The following PPP2R5E variants were observed in gnomAD, a reference collection of about 807,000 sequenced individuals.
The protein encoded by PPP2R5E is serine/threonine-protein phosphatase 2A 56 kDa regulatory subunit epsilon isoform.
PPP2R5E carries 4 observed loss-of-function variants against 65.3 expected under a neutral mutation model. The observed-to-expected ratio is 0.06, with a 90% CI of 0.03 to 0.14. PPP2R5E has a LOEUF of 0.14. Among genes scored for constraint, PPP2R5E ranks in the 10% least tolerant of loss-of-function variants. The pLI, the probability that PPP2R5E is intolerant of heterozygous loss-of-function variation, is 1.00. For synonymous variants in PPP2R5E, 183 were observed against 187.4 expected (o/e 0.98, Z 0.19); for missense variants, 274 against 556.1 (o/e 0.49, Z 5.10).
At chr14:63,376,275 T>C (rs1883979079) in intron 13 of PPP2R5E, among the ~76,000 whole-genome samples, 167 bp from the exon 14 acceptor site, 1 of 152,200 alleles carries the variant, frequency 6.6e-6, no homozygotes, top group South Asian at 2.1e-4. Flanking sequence ...TATGCATCAG[T>C]TATTGTAAAA....
At chr14:63,441,634 G>A (rs1002130332) in intron 3 of PPP2R5E, among the ~76,000 whole-genome samples, 1 of 152,200 alleles carries the variant, frequency 6.6e-6, no homozygotes, top group Admixed American at 6.5e-5. Context: ...GAACACAGCA[G>A]GGCGCGGTGG....
chr14:63,452,566 G>A (rs1291583534), intron 3 of PPP2R5E: 4 of 152,136 alleles, frequency 2.6e-5, no homozygotes, highest in Non-Finnish European at 5.9e-5. Context: ...GAGCCACACG[G>A]TCATCTTTAA....
chr14:63,381,858 G>A (rs1171890166), intron 13 of PPP2R5E, among the ~76,000 whole-genome samples, 198 bp downstream of exon 13: 2 of 152,206 alleles, frequency 1.3e-5, no homozygotes, highest in Non-Finnish European at 2.9e-5. Context: ...TGTAATTACT[G>A]TATACTTATG....
At chr14:63,519,507 A>AT (rs557285871) in intron 2 of PPP2R5E, among the ~76,000 whole-genome samples, 20,039 of 124,212 alleles carry the variant, frequency 0.16, 1,884 homozygotes, top group East Asian at 0.32. Context: ...TGCCCAGCTA[A>AT]TTTTTTTTTT....
chr14:63,456,208 T>C (rs1458296372), intron 2 of PPP2R5E, among the ~76,000 whole-genome samples: 1 of 152,238 alleles, frequency 6.6e-6, no homozygotes, highest in Non-Finnish European at 1.5e-5. Context: ...ATAGCATATA[T>C]AACTTATAAA....
intron 2 of PPP2R5E, 127 bp from the exon 3 acceptor site, chr14:63,454,012 T>C (rs1286395440): frequency 1.4e-6 from 1 of 711,248 alleles, no homozygotes. Context: ...GTGTTCTTTT[T>C]CACAGTTACA....
At chr14:63,502,885 T>C (rs1023135621) in intron 2 of PPP2R5E, among the ~76,000 whole-genome samples, 2 of 152,204 alleles carry the variant, frequency 1.3e-5, no homozygotes, top group African/African-American at 4.8e-5. Flanking sequence ...CCCAGCACTT[T>C]GCGAGGCCAA....
intron 2 of PPP2R5E, among the ~76,000 whole-genome samples, chr14:63,498,694 G>T (rs1487204917): frequency 6.6e-6 from 1 of 151,978 alleles, no homozygotes; most frequent in Admixed American, 6.6e-5. Context: ...AAAGTGCTAG[G>T]ATCACAGGCA....
rs981074735 is a variant in PPP2R5E at position 63,371,439 on chromosome 14, C to T, written c.*4570G>A. ...ACACATCTGTGAAAGGGGAAGGTTACATTTCTTTTTGGGGAGCACCTTCAT... is the reference window on the plus strand; with the variant it reads ...ACACATCTGTGAAAGGGGAAGGTTATATTTCTTTTTGGGGAGCACCTTCAT... On this transcript the variant is annotated 3_prime_UTR_variant, in exon 14 of 14. Coordinates refer to ENST00000337537, the MANE Select transcript of PPP2R5E (RefSeq NM_006246.5). The T allele has an allele frequency of 1.3e-5, 2 of 152,194 alleles. No homozygotes were observed. Among genetic ancestry groups the T allele is most frequent in the African/African-American group, 4.8e-5 (2 of 41,450 alleles). 9.4% of individuals were successfully genotyped at this position (152,194 alleles called of 1,614,324 possible).
chr14:63,474,197 T>C (rs1414114273), intron 2 of PPP2R5E, among the ~76,000 whole-genome samples: 2 of 152,102 alleles, frequency 1.3e-5, no homozygotes, highest in Non-Finnish European at 2.9e-5. Context: ...GTAGAATCAA[T>C]TGTGCTTGCT....
intron 6 of PPP2R5E, among the ~76,000 whole-genome samples, 178 bp downstream of exon 6, chr14:63,396,408 G>A (rs1885398483): frequency 1.8e-5 from 2 of 110,576 alleles, no homozygotes; most frequent in Admixed American, 1.8e-4. Flanking sequence ...AGAAGATGGG[G>A]GAGGAGAGGA....
At chr14:63,450,665 C>T (rs750200230) in intron 3 of PPP2R5E, among the ~76,000 whole-genome samples, 3 of 151,976 alleles carry the variant, frequency 2.0e-5, no homozygotes, top group Non-Finnish European at 4.4e-5. Flanking sequence ...TTCAAGAAGA[C>T]CTGGACTAGG....
At position 63,372,844 on chromosome 14, in the gene PPP2R5E, T is replaced by C. The variant is rs1479594172; in HGVS notation, c.*3165A>G. 5.3e-5 allele frequency: 8 copies of C among 152,170 alleles called. No individual in the cohort carries two copies. Among genetic ancestry groups the C allele is most frequent in the Non-Finnish European group, 1.0e-4 (7 of 68,028 alleles). The allele number at this position is 152,170 out of a possible 1,614,324, so 9.4% of individuals were successfully genotyped here. ...TACAAAATAAATTAAACCCTTTCAT[T>C]TAGGCAAACAAGCCCAAGATGAAGG... On this transcript the variant is annotated 3_prime_UTR_variant, in exon 14 of 14. Coordinates refer to ENST00000337537, the MANE Select transcript of PPP2R5E (RefSeq NM_006246.5).
chr14:63,520,446 G>T (rs562431351), intron 2 of PPP2R5E, among the ~76,000 whole-genome samples: 1 of 152,294 alleles, frequency 6.6e-6, no homozygotes, highest in African/African-American at 2.4e-5. Flanking sequence ...ACTTGCCATT[G>T]TTGGAATTCT....
At chr14:63,396,836 G>A in intron 5 of PPP2R5E, 120 bp from the exon 6 acceptor site, 22 of 1,220,090 alleles carry the variant, frequency 1.8e-5, no homozygotes, top group Non-Finnish European at 2.5e-5. Flanking sequence ...TCTATTATGT[G>A]CCAAGCACAG....
At chr14:63,399,366 C>CTTTGTTTTTTTTTTTTTTTT (rs1885604828) in intron 5 of PPP2R5E, among the ~76,000 whole-genome samples, 3 of 48,504 alleles carry the variant, frequency 6.2e-5, no homozygotes, top group African/African-American at 8.3e-5. Context: ...GGATTTCTTT[C>CTTTGTTTTTTTTTTTTTTTT]TTTTTTTTTT....
At position 63,533,040 on chromosome 14, in the gene PPP2R5E, G is replaced by T. The variant is rs557549068; in HGVS notation, c.157+6489C>A. On this transcript the variant is annotated intron_variant, in intron 2 of 13. Transcript: ENST00000337537. ...TTTTTAGAGACAGGCCTGCTATGTT[G>T]CACAGGCTGGCCTTGAACTCCTGGG... Among the ~76,000 whole-genome samples the T allele has an allele frequency of 7.2e-5, 11 of 151,998 alleles. No homozygotes were observed. The East Asian group carries it at 2.1e-3, about 29-fold the overall frequency.
At chr14:63,396,103 CAGGAGAGGAGGAGAGCGGGG>C (rs1358710586) in intron 6 of PPP2R5E, among the ~76,000 whole-genome samples, 1 of 7,596 alleles carries the variant, frequency 1.3e-4, no homozygotes, top group African/African-American at 8.3e-4. Context: ...GGGGAGGGGG[CAGGAGAGGAGGAGAGCGGGG>C]AGGAGAGGAG....
intron 2 of PPP2R5E, among the ~76,000 whole-genome samples, chr14:63,475,681 G>A (rs1214916987): frequency 1.3e-5 from 2 of 152,224 alleles, no homozygotes; most frequent in East Asian, 3.9e-4. Flanking sequence ...CTGTTTATAG[G>A]TATGAAGTCA....
Sources: gnomAD v4.1 joint callset for allele counts (sites outside exome capture counted in the v4.1 genomes callset) on GRCh38, gnomAD v4.1.1 for gene constraint, MANE v1.5 for transcripts, NCBI Gene and HGNC (gene_info 2026-07-23, HGNC 2026-07-21) for gene names.